The following FMO1 variants were observed in gnomAD, a reference collection of about 807,000 sequenced individuals.
FMO1 encodes flavin containing dimethylaniline monoxygenase 1, also known as flavin-containing monooxygenase 1.
Under a neutral mutation model 45.4 loss-of-function variants are expected in FMO1, and 36 were observed. The observed-to-expected ratio is 0.79, with a 90% CI of 0.61 to 1.05. The LOEUF (loss-of-function observed/expected upper bound fraction) is 1.05. Ranked by LOEUF, FMO1 falls within the 50% of genes least tolerant of loss-of-function variation. The pLI, the probability that FMO1 is intolerant of heterozygous loss-of-function variation, is 0.00. For synonymous variants in FMO1, 228 were observed against 227.2 expected, an observed-to-expected ratio of 1.00 and a Z score of -0.03; for missense variants, 615 against 640.3, an observed-to-expected ratio of 0.96 and a Z score of 0.43.
intron 8 of FMO1, among the ~76,000 whole-genome samples, chr1:171,284,872 A>G (rs2101850645): frequency 6.6e-6 from 1 of 152,232 alleles, no homozygotes; most frequent in African/African-American, 2.4e-5. Flanking sequence ...TGGATTTGTT[A>G]TTACTGAATA....
At chr1:171,249,189 A>C (rs1415240637) in intron 1 of FMO1, among the ~76,000 whole-genome samples, 1 of 152,090 alleles carries the variant, frequency 6.6e-6, no homozygotes, top group African/African-American at 2.4e-5. Context: ...ATTGATTTCC[A>C]TGTGATTGGC....
Position 171,275,094 on chromosome 1 carries a change from C to T in FMO1, c.322-252C>T, listed in dbSNP as rs1004330280. 9.2e-5 allele frequency among the ~76,000 whole-genome samples: 14 copies of T among 152,222 alleles called. 1 individual carries two copies. Among genetic ancestry groups the T allele is most frequent in the African/African-American group, 3.4e-4 (14 of 41,462 alleles). ...GTTCTAATTCTGATTCTGTCACTTT[C>T]TGTGAGAATTTGAGCAAATCACTTA... On this transcript the variant is annotated intron_variant, in intron 3 of 8. Transcript: ENST00000617670.
In FMO1 at chr1:171,285,183, CA is replaced by C. The variant is rs1661569244; in HGVS notation, c.1257-17del. ...GTTTTTTTGTCTTCACCTTTTCCCC[CA>C]ATCTTCCTTTTATAAAGGTTTGGCT... On this transcript the variant is annotated intron_variant, in intron 8 of 8. Transcript: ENST00000617670. The C allele has an allele frequency of 3.3e-6, 5 of 1,494,558 alleles. No individual in the cohort carries two copies. Among genetic ancestry groups the C allele is most frequent in the Non-Finnish European group, 3.6e-6 (4 of 1,107,662 alleles). 92.6% of individuals were successfully genotyped at this position (1,494,558 alleles called of 1,614,324 possible).
chr1:171,279,088 A>C (rs28360409), intron 5 of FMO1, among the ~76,000 whole-genome samples: 8 of 134,964 alleles, frequency 5.9e-5, no homozygotes, highest in Middle Eastern at 3.7e-3. Flanking sequence ...ACTTCTTTTT[A>C]CTTTTTTTTT....
chr1:171,262,271 C>A (rs143182130), intron 2 of FMO1, among the ~76,000 whole-genome samples: 1 of 152,124 alleles, frequency 6.6e-6, no homozygotes, highest in Non-Finnish European at 1.5e-5. Context: ...CCCATCTCTA[C>A]TAAAAATATG....
rs188194418 is a variant in FMO1 at position 171,273,965 on chromosome 1, C to T, written c.322-1381C>T. ...TGGATCAAGACCATCCTGGCTAACA[C>T]GGCGAAACCCCATCTCTACTAAAAA... On this transcript the variant is annotated intron_variant, in intron 3 of 8. Transcript: ENST00000617670. Among the ~76,000 whole-genome samples the T allele has an allele frequency of 1.8e-3, 275 of 152,184 alleles. 2 individuals are homozygous for T. The highest frequency in any genetic ancestry group is 6.1e-3 in the African/African-American group (254 of 41,532).
chr1:171,279,886 T>C (rs1661282315), intron 5 of FMO1, among the ~76,000 whole-genome samples: 1 of 152,194 alleles, frequency 6.6e-6, no homozygotes, highest in Non-Finnish European at 1.5e-5. Context: ...CTGTCTTTAG[T>C]TCCCCTTTGC....
In FMO1 at chr1:171,285,196, A is replaced by G. The variant is rs1444906167; in HGVS notation, c.1257-6A>G. 1.3e-6 allele frequency: 2 copies of G among 1,535,274 alleles called. No homozygotes were observed. Among genetic ancestry groups the G allele is most frequent in the Non-Finnish European group, 1.8e-6 (2 of 1,138,348 alleles). On this transcript the variant is annotated splice_polypyrimidine_tract_variant and splice_region_variant and intron_variant, in intron 8 of 8. Transcript: ENST00000617670. ...CACCTTTTCCCCCAATCTTCCTTTTATAAAGGTTTGGCTTGTGCTACTGCA... is the reference window on the plus strand; with the variant it reads ...CACCTTTTCCCCCAATCTTCCTTTTGTAAAGGTTTGGCTTGTGCTACTGCA...
At chr1:171,262,961 T>C (rs887877466) in intron 2 of FMO1, among the ~76,000 whole-genome samples, 1 of 152,138 alleles carries the variant, frequency 6.6e-6, no homozygotes, top group Admixed American at 6.5e-5. Flanking sequence ...AAGGAAGAAA[T>C]TAACATTCTT....
chr1:171,266,495 G>A (rs1424936444), intron 2 of FMO1, among the ~76,000 whole-genome samples: 1 of 152,164 alleles, frequency 6.6e-6, no homozygotes, highest in Admixed American at 6.5e-5. Flanking sequence ...AGACAAGCAG[G>A]TTGTAATCAA....
chr1:171,276,502 G>A (rs1293519424), intron 4 of FMO1, among the ~76,000 whole-genome samples: 1 of 152,186 alleles, frequency 6.6e-6, no homozygotes, highest in African/African-American at 2.4e-5. Context: ...CTTGCCTGCA[G>A]AGCAAGGCTC....
At position 171,280,903 on chromosome 1, in the gene FMO1, A is replaced by G. The variant is rs1661325731; in HGVS notation, c.745A>G (p.Thr249Ala). 6.2e-7 allele frequency: 1 copy of G among 1,613,834 alleles called. No individual in the cohort carries two copies. The highest frequency in any genetic ancestry group is 2.2e-5 in the East Asian group (1 of 44,884). The change falls in exon 6 of 9, where the codon ACC (threonine) becomes GCC (alanine). Residue 249 changes from threonine to alanine, a missense_variant. Coordinates refer to ENST00000617670, the MANE Select transcript of FMO1 (RefSeq NM_001282693.2). ...FQNMLRNSLP[T>A]PIVTWLMERK... The stretch of plus-strand genomic sequence containing the variant: ...GAACATGTTGAGAAATTCCCTCCCA[A>G]CCCCAATTGTGACTTGGTTGATGGA...
At chr1:171,274,881 T>A (rs982016461) in intron 3 of FMO1, among the ~76,000 whole-genome samples, 5 of 152,238 alleles carry the variant, frequency 3.3e-5, no homozygotes, top group Non-Finnish European at 7.3e-5. Flanking sequence ...AATTGCTTTC[T>A]AGTTCTGGAA....
intron 4 of FMO1, 76 bp from the exon 5 acceptor site, chr1:171,278,653 A>G (rs1205248605): frequency 1.8e-6 from 2 of 1,137,606 alleles, no homozygotes; most frequent in African/African-American, 3.1e-5. Flanking sequence ...AAAGAATGTT[A>G]TCAACTGAAG....
At chr1:171,271,676 A>G (rs1170738767) in intron 3 of FMO1, 13 of 655,486 alleles carry the variant, frequency 2.0e-5, no homozygotes, top group East Asian at 1.5e-4. Flanking sequence ...ATGGAGCTCA[A>G]TGTACTGCCT....
In FMO1 at chr1:171,266,185, A is replaced by T. The variant is rs141215236; in HGVS notation, c.133-1358A>T. 1.6e-3 allele frequency among the ~76,000 whole-genome samples: 242 copies of T among 152,330 alleles called. 2 individuals are homozygous for T. The highest frequency in any genetic ancestry group is 5.4e-3 in the African/African-American group (223 of 41,578). On this transcript the variant is annotated intron_variant, in intron 2 of 8. Transcript: ENST00000617670. ...ATGGCATATGACTAGTACACAACTC[A>T]AACTCATCACACAAGTTAGACAAAA...
At position 171,280,910 on chromosome 1, in the gene FMO1, T is replaced by G; in HGVS notation, c.752T>G (p.Ile251Ser). ...NMLRNSLPTP[I>S]VTWLMERKIN... The stretch of plus-strand genomic sequence containing the variant: ...TTGAGAAATTCCCTCCCAACCCCAA[T>G]TGTGACTTGGTTGATGGAGCGAAAG... Residue 251 changes from isoleucine to serine, a missense_variant, in exon 6 of 9, where the codon ATT becomes AGT. Coordinates refer to ENST00000617670, the MANE Select transcript of FMO1 (RefSeq NM_001282693.2). 6.2e-7 allele frequency: 1 copy of G among 1,613,934 alleles called. No individual in the cohort carries two copies. Among genetic ancestry groups the G allele is most frequent in the Non-Finnish European group, 8.5e-7 (1 of 1,179,850 alleles).
chr1:171,270,626 G>C, intron 3 of FMO1: 1 of 996,032 alleles, frequency 1.0e-6, no homozygotes, highest in Non-Finnish European at 1.2e-6. Flanking sequence ...AGCTGCATCA[G>C]AGACAGCTGA....
chr1:171,266,620 A>G (rs1458464573), intron 2 of FMO1, among the ~76,000 whole-genome samples: 9 of 152,256 alleles, frequency 5.9e-5, no homozygotes, highest in Non-Finnish European at 1.2e-4. Flanking sequence ...TATATATGAT[A>G]TCAATTCACA....
Sources: allele counts gnomAD v4.1 joint callset (sites outside exome capture counted in the v4.1 genomes callset), GRCh38; gene constraint gnomAD v4.1.1; transcripts MANE v1.5; gene names NCBI Gene and HGNC (gene_info 2026-07-23, HGNC 2026-07-21).